Variants in MAST4 observed in about 807,000 individuals in gnomAD.
MAST4 encodes microtubule associated serine/threonine kinase family member 4.
A neutral mutation model predicts 162.7 loss-of-function variants in MAST4; 89 were observed. That is an observed-to-expected ratio of 0.55 (90% CI 0.46 to 0.65). The LOEUF (loss-of-function observed/expected upper bound fraction) is 0.65, where lower values mean the gene tolerates loss of function less well. Ranked by LOEUF, MAST4 falls within the 30% of genes least tolerant of loss-of-function variation. The pLI, the probability that MAST4 is intolerant of heterozygous loss-of-function variation, is 0.00. For missense variants in MAST4, 3,153 were observed against 3,374.0 expected, an observed-to-expected ratio of 0.93 and a Z score of 1.62; for synonymous variants, 1,479 against 1,361.1, an observed-to-expected ratio of 1.09 and a Z score of -1.91.
chr5:66,982,945 C>T (rs896301609), intron 4 of MAST4, among the ~76,000 whole-genome samples: 2 of 152,216 alleles, frequency 1.3e-5, no homozygotes, highest in African/African-American at 4.8e-5. Context: ...ATCTGAATTA[C>T]ACTAAAATAG....
At chr5:66,668,867 C>T (rs1220632627) in intron 1 of MAST4, among the ~76,000 whole-genome samples, 1 of 152,110 alleles carries the variant, frequency 6.6e-6, no homozygotes, top group African/African-American at 2.4e-5. Context: ...ATTGACAGCT[C>T]CTGGTTGCTG....
rs542120864 is a variant in MAST4 at position 66,848,737 on chromosome 5, C to T, written c.643-51214C>T. Among the ~76,000 whole-genome samples the T allele has an allele frequency of 6.6e-5, 10 of 152,234 alleles. No homozygotes were observed. The South Asian group carries it at 2.1e-3, about 32-fold the overall frequency. ...CTCTATTTCTTTTCCTTCTTTTCTTCCTAGTTTTCTTCCTCTTCTCTCCAG... is the reference window on the plus strand; with the variant it reads ...CTCTATTTCTTTTCCTTCTTTTCTTTCTAGTTTTCTTCCTCTTCTCTCCAG... On this transcript the variant is annotated intron_variant, in intron 3 of 28. Transcript: ENST00000403625.
intron 14 of MAST4, among the ~76,000 whole-genome samples, chr5:67,127,750 A>G (rs1366217624): frequency 6.6e-6 from 1 of 152,196 alleles, no homozygotes; most frequent in African/African-American, 2.4e-5. Flanking sequence ...GTATCTCATC[A>G]GTAGCTGAAA....
chr5:67,151,506 G>A (rs537424775), intron 24 of MAST4, among the ~76,000 whole-genome samples: 10 of 152,252 alleles, frequency 6.6e-5, no homozygotes, highest in Admixed American at 4.6e-4. Flanking sequence ...AATTTTAGGG[G>A]GACACAGACA....
chr5:66,661,950 C>T (rs938498559), intron 1 of MAST4, among the ~76,000 whole-genome samples: 3 of 152,106 alleles, frequency 2.0e-5, no homozygotes, highest in African/African-American at 4.8e-5. Context: ...AGCTAATATA[C>T]TTTTTGGATG....
intron 1 of MAST4, among the ~76,000 whole-genome samples, chr5:66,734,720 T>C (rs1189433026): frequency 3.9e-5 from 6 of 152,192 alleles, no homozygotes; most frequent in Non-Finnish European, 5.9e-5. Context: ...CTAGTGCAAC[T>C]GAGGAACTAA....
intron 2 of MAST4, among the ~76,000 whole-genome samples, chr5:66,776,503 C>G (rs1210690551): frequency 6.6e-6 from 1 of 152,152 alleles, no homozygotes; most frequent in Non-Finnish European, 1.5e-5. Context: ...AAAATCAAAG[C>G]TATAAGAAGT....
intron 1 of MAST4, among the ~76,000 whole-genome samples, chr5:66,630,383 A>G (rs868056921): frequency 3.3e-4 from 50 of 152,180 alleles, no homozygotes; most frequent in African/African-American, 1.1e-3. Context: ...TGACTCTTCA[A>G]ATACAATGGG....
chr5:67,078,105 A>G (rs1429635489), intron 5 of MAST4, among the ~76,000 whole-genome samples: 1 of 151,892 alleles, frequency 6.6e-6, no homozygotes, highest in African/African-American at 2.4e-5. Context: ...TCTCTCAAAA[A>G]TAAATAAATA....
intron 2 of MAST4, among the ~76,000 whole-genome samples, chr5:66,780,757 A>G (rs1418703267): frequency 6.7e-6 from 1 of 150,236 alleles, no homozygotes; most frequent in Non-Finnish European, 1.5e-5. Flanking sequence ...TCATTTTTAC[A>G]GAGTGCTGAT....
rs559878139 is a variant in MAST4 at position 66,997,152 on chromosome 5, A to G, written c.675-57252A>G. 2.0e-5 allele frequency among the ~76,000 whole-genome samples: 3 copies of G among 152,160 alleles called. No homozygotes were observed. In the East Asian group the frequency reaches 5.8e-4, roughly 29 times the overall value. ...GCATATTAAATTATAATTCAAATAT[A>G]TCTATGTATATATTATATGTACATG... On this transcript the variant is annotated intron_variant, in intron 4 of 28. Coordinates refer to ENST00000403625, the MANE Select transcript of MAST4 (RefSeq NM_001164664.2).
chr5:66,793,872 T>C (rs1755532885), intron 3 of MAST4, among the ~76,000 whole-genome samples: 1 of 152,246 alleles, frequency 6.6e-6, no homozygotes. Context: ...CTGTCCAGTA[T>C]ACCATATCGT....
At chr5:66,850,278 G>A (rs996332704) in intron 3 of MAST4, among the ~76,000 whole-genome samples, 4 of 152,174 alleles carry the variant, frequency 2.6e-5, no homozygotes, top group African/African-American at 9.7e-5. Context: ...TCATCTTTCG[G>A]TTAAGAACAC....
At chr5:66,895,143 G>A (rs1762600809) in intron 3 of MAST4, among the ~76,000 whole-genome samples, 1 of 152,074 alleles carries the variant, frequency 6.6e-6, no homozygotes, top group African/African-American at 2.4e-5. Flanking sequence ...TGCCTTCAGG[G>A]GTGCGAGTAG....
intron 1 of MAST4, among the ~76,000 whole-genome samples, chr5:66,645,112 C>A (rs1745743219): frequency 6.6e-6 from 1 of 152,056 alleles, no homozygotes; most frequent in Non-Finnish European, 1.5e-5. Context: ...AGGGGAGACA[C>A]TGGGTCTTTA....
intron 4 of MAST4, among the ~76,000 whole-genome samples, chr5:67,029,141 A>G (rs1327056930): frequency 2.0e-5 from 3 of 151,966 alleles, no homozygotes; most frequent in Non-Finnish European, 4.4e-5. Flanking sequence ...CTCAAAAAAA[A>G]AAAAGTCATA....
chr5:66,894,192 A>G (rs1054316811), intron 3 of MAST4, among the ~76,000 whole-genome samples: 1 of 152,254 alleles, frequency 6.6e-6, no homozygotes, highest in Non-Finnish European at 1.5e-5. Context: ...ATGCAAACCA[A>G]TAGTCCTTAG....
intron 4 of MAST4, among the ~76,000 whole-genome samples, chr5:67,033,403 C>CA (rs5868473): frequency 0.26 from 34,726 of 131,150 alleles, 4,636 homozygotes; most frequent in African/African-American, 0.33. Flanking sequence ...ACTATACAGG[C>CA]AAAAAAAAAA....
At position 66,596,992 on chromosome 5, in the gene MAST4, G is replaced by C; in HGVS notation, c.337G>C (p.Ala113Pro). Reference sequence around the variant, plus strand: ...GCCGCCCGCGCCCCGGGGCAGCAGCGCGTCCCAGGAGGAGCAGGACGAGGA... The same window carrying C: ...GCCGCCCGCGCCCCGGGGCAGCAGCCCGTCCCAGGAGGAGCAGGACGAGGA... ...AVPPAPRGSS[A>P]SQEEQDEELD... The change falls in exon 1 of 29, where the codon GCG becomes CCG. Residue 113 changes from alanine to proline, a missense_variant. By Grantham distance (27) the Ala-to-Pro change is conservative (BLOSUM62 -1). This residue lies in a region of MAST4 where 327 missense variants were observed against 336.5 expected (regional missense o/e 0.97). Coordinates refer to ENST00000403625, the MANE Select transcript of MAST4 (RefSeq NM_001164664.2). 1 of 1,451,180 alleles carries C rather than the reference G, an allele frequency of 6.9e-7. No individual in the cohort carries two copies. The highest frequency in any genetic ancestry group is 9.0e-7 in the Non-Finnish European group (1 of 1,107,644). The allele number at this position is 1,451,180 out of a possible 1,614,324, so 89.9% of individuals were successfully genotyped here.
Sources: allele counts gnomAD v4.1 joint callset (sites outside exome capture counted in the v4.1 genomes callset), GRCh38; gene constraint gnomAD v4.1.1; regional missense constraint gnomAD v4.1.1; transcripts MANE v1.5; gene names NCBI Gene and HGNC (gene_info 2026-07-23, HGNC 2026-07-21).